The following ABCC4 variants were observed in gnomAD, a reference collection of about 807,000 sequenced individuals.
The protein encoded by ABCC4 is ATP binding cassette subfamily C member 4 (PEL blood group).
A neutral mutation model predicts 168.5 loss-of-function variants in ABCC4; 102 were observed. The observed-to-expected ratio is 0.61, with a 90% CI of 0.52 to 0.71. The LOEUF is 0.71. Ranked by LOEUF, ABCC4 falls within the 30% of genes least tolerant of loss-of-function variation. ABCC4 has a pLI of 0.00. For synonymous variants in ABCC4, 617 were observed against 590.7 expected (o/e 1.04, Z -0.65); for missense variants, 1,402 against 1,605.8 (o/e 0.87, Z 2.17).
chr13:95,071,287 G>C (rs2033715238), intron 25 of ABCC4, among the ~76,000 whole-genome samples: 1 of 152,146 alleles, frequency 6.6e-6, no homozygotes, highest in African/African-American at 2.4e-5. Context: ...AGAAAGGCTG[G>C]AACAGAAGCT....
chr13:95,196,630 A>G (rs1376638592), intron 8 of ABCC4, among the ~76,000 whole-genome samples: 3 of 7,640 alleles, frequency 3.9e-4, no homozygotes, highest in Admixed American at 1.2e-3. Flanking sequence ...GGAAGGAAGG[A>G]AGGAAGGAAG....
In ABCC4 at chr13:95,019,840, A is replaced by G. The variant is rs1298438856; in HGVS notation, c.*1735T>C. On this transcript the variant is annotated 3_prime_UTR_variant, in exon 31 of 31. Transcript: ENST00000645237. Reference sequence around the variant, plus strand: ...CAGAAATACAGATCTCTGAATGGAGATGAAAACTATCATTTATTTCAATTG... The same window carrying G: ...CAGAAATACAGATCTCTGAATGGAGGTGAAAACTATCATTTATTTCAATTG... The G allele has an allele frequency of 6.6e-6, 1 of 152,250 alleles. No individual in the cohort carries two copies. Among genetic ancestry groups the G allele is most frequent in the African/African-American group, 2.4e-5 (1 of 41,460 alleles). The allele number at this position is 152,250 out of a possible 1,614,324, so 9.4% of individuals were successfully genotyped here.
chr13:95,186,421 T>G (rs2038061404), intron 11 of ABCC4, among the ~76,000 whole-genome samples: 2 of 152,070 alleles, frequency 1.3e-5, no homozygotes, highest in Non-Finnish European at 2.9e-5. Flanking sequence ...TTTTGCAAAT[T>G]TTTATAATTG....
intron 1 of ABCC4, among the ~76,000 whole-genome samples, chr13:95,288,950 T>G (rs994871568): frequency 6.6e-6 from 1 of 152,230 alleles, no homozygotes; most frequent in Non-Finnish European, 1.5e-5. Context: ...AATGCCACAT[T>G]TGAGCTCTGT....
intron 3 of ABCC4, among the ~76,000 whole-genome samples, chr13:95,238,852 G>A (rs2039851393): frequency 6.6e-6 from 1 of 152,180 alleles, no homozygotes; most frequent in Non-Finnish European, 1.5e-5. Flanking sequence ...CACTGTGCCT[G>A]ACCCTGAAGA....
chr13:95,283,087 G>C (rs190730412), intron 1 of ABCC4, among the ~76,000 whole-genome samples: 1 of 151,426 alleles, frequency 6.6e-6, no homozygotes, highest in Non-Finnish European at 1.5e-5. Flanking sequence ...GCGGTGGCAC[G>C]CACCTGTAGT....
intron 25 of ABCC4, among the ~76,000 whole-genome samples, chr13:95,064,254 GTGTGTGTATATATATATATATA>G (rs1418723885): frequency 3.0e-4 from 7 of 23,690 alleles, no homozygotes; most frequent in East Asian, 5.4e-3. Flanking sequence ...GGGTGTGTGT[GTGTGTGTATATATATATATATA>G]TATATATATA....
intron 25 of ABCC4, among the ~76,000 whole-genome samples, chr13:95,066,889 C>A (rs1043804567): frequency 2.0e-5 from 3 of 152,184 alleles, no homozygotes; most frequent in Admixed American, 6.5e-5. Flanking sequence ...TATTGTCATA[C>A]ATTTAATGCA....
chr13:95,290,997 C>CAAAAAAAAAA (rs762030761), intron 1 of ABCC4, among the ~76,000 whole-genome samples: 392 of 36,424 alleles, frequency 0.011, 33 homozygotes, highest in African/African-American at 0.028. Flanking sequence ...GACCCTGTCT[C>CAAAAAAAAAA]AAAAAAAAAA....
In ABCC4 at chr13:95,026,108, C is replaced by T. The variant is rs547857958; in HGVS notation, c.3871-4426G>A. On this transcript the variant is annotated intron_variant, in intron 30 of 30. Transcript: ENST00000645237. ...TACAAGAATTAGCCAATTGTGATGG[C>T]GCACACCTGTAATCCCAGCTACTTG... Among the ~76,000 whole-genome samples, 75 of 152,190 alleles carry T rather than the reference C, an allele frequency of 4.9e-4. 1 individual carries two copies. Among genetic ancestry groups the T allele is most frequent in the African/African-American group, 1.5e-3 (62 of 41,534 alleles).
intron 20 of ABCC4, among the ~76,000 whole-genome samples, chr13:95,092,319 T>C (rs1317753491): frequency 6.6e-6 from 1 of 152,080 alleles, no homozygotes; most frequent in Non-Finnish European, 1.5e-5. Flanking sequence ...GGACTTAACA[T>C]ACATAAATAG....
chr13:95,225,143 TCTCTCTCTCTCACACACA>T lies in ABCC4; in HGVS notation c.531+9449_531+9466del, dbSNP rs1459578791. On this transcript the variant is annotated intron_variant, in intron 4 of 30. Transcript: ENST00000645237. ...CCCACTGTCTGTCTGTCTGTCTGTC[TCTCTCTCTCTCACACACA>T]CACACACACACACACACACACACAC... Among the ~76,000 whole-genome samples the T allele has an allele frequency of 5.5e-4, 27 of 49,240 alleles. 1 individual carries two copies. The highest frequency in any genetic ancestry group is 2.2e-3 in the African/African-American group (27 of 12,114). 32.3% of individuals were successfully genotyped at this position (49,240 alleles called of 152,430 possible).
intron 30 of ABCC4, among the ~76,000 whole-genome samples, chr13:95,022,411 T>C (rs1286195371): frequency 6.6e-6 from 1 of 152,300 alleles, no homozygotes; most frequent in East Asian, 1.9e-4. Context: ...AAACGTATAA[T>C]CAGAACATAA....
intron 4 of ABCC4, among the ~76,000 whole-genome samples, chr13:95,218,931 A>AAG (rs2039212801): frequency 1.5e-5 from 1 of 68,958 alleles, no homozygotes; most frequent in African/African-American, 6.9e-5. Context: ...AAGAAAGAGA[A>AAG]AGAAAGAAAG....
chr13:95,139,685 C>A (rs868821353), intron 19 of ABCC4, among the ~76,000 whole-genome samples: 5 of 152,196 alleles, frequency 3.3e-5, no homozygotes, highest in African/African-American at 4.8e-5. Context: ...GTTCTTTGTT[C>A]TATGTTCCTT....
At chr13:95,178,692 C>T (rs1055168198) in intron 11 of ABCC4, among the ~76,000 whole-genome samples, 1 of 152,164 alleles carries the variant, frequency 6.6e-6, no homozygotes, top group Non-Finnish European at 1.5e-5. Context: ...GCACACGGAA[C>T]TGCGAGCACA....
chr13:95,161,004 C>T (rs2037080060), intron 19 of ABCC4, among the ~76,000 whole-genome samples, 185 bp downstream of exon 19: 1 of 150,708 alleles, frequency 6.6e-6, no homozygotes. Flanking sequence ...CCCCCCTCCC[C>T]CCGCATATTT....
intron 1 of ABCC4, among the ~76,000 whole-genome samples, chr13:95,276,287 C>T (rs1011164087): frequency 5.3e-5 from 8 of 151,740 alleles, no homozygotes; most frequent in African/African-American, 1.7e-4. Flanking sequence ...TGGTGGAACA[C>T]GCCTGTGGTC....
chr13:95,264,978 C>G (rs1271788564), intron 1 of ABCC4, among the ~76,000 whole-genome samples: 8 of 150,838 alleles, frequency 5.3e-5, no homozygotes, highest in Non-Finnish European at 1.0e-4. Context: ...AAGCGATTCT[C>G]CTGCCTCAGC....
Sources: gnomAD v4.1 joint callset for allele counts (sites outside exome capture counted in the v4.1 genomes callset) on GRCh38, gnomAD v4.1.1 for gene constraint, MANE v1.5 for transcripts, NCBI Gene and HGNC (gene_info 2026-07-23, HGNC 2026-07-21) for gene names.